AHI1: variants seen among roughly 807,000 people sequenced by gnomAD.
AHI1 encodes jouberin.
In AHI1, 123 loss-of-function variants were observed where a neutral mutation model predicts 149.3. The observed-to-expected ratio is 0.82, with a 90% CI of 0.71 to 0.96. The LOEUF (loss-of-function observed/expected upper bound fraction) is 0.96. AHI1 is among the 40% of genes least tolerant of loss of function. AHI1 has a pLI of 0.00. For missense variants in AHI1, 1,439 were observed against 1,422.7 expected (o/e 1.01, Z -0.18); for synonymous variants, 475 against 459.8 (o/e 1.03, Z -0.42).
At position 135,455,868 on chromosome 6, in the gene AHI1, T is replaced by C. The variant is rs1268706810; in HGVS notation, c.1210A>G (p.Met404Val). 1.9e-6 allele frequency: 3 copies of C among 1,587,622 alleles called. No individual in the cohort carries two copies. Among genetic ancestry groups the C allele is most frequent in the Admixed American group, 1.7e-5 (1 of 58,322 alleles). Reference sequence around the variant, plus strand: ...TGTTTAAAATCATATGGCTGGGTCATAATAGGAAGAATATAATCCACATTC... The same window carrying C: ...TGTTTAAAATCATATGGCTGGGTCACAATAGGAAGAATATAATCCACATTC... Reference protein sequence around the residue: ...KENVDYILPIMTQPYDFKQLK... With the variant: ...KENVDYILPIVTQPYDFKQLK... Residue 404 changes from methionine (M) to valine (V), a missense_variant, in exon 10 of 29, where the codon ATG (methionine) becomes GTG (valine). Physicochemically the swap from Met to Val is conservative, Grantham distance 21 (BLOSUM62 1). Coordinates refer to ENST00000265602, the MANE Select transcript of AHI1 (RefSeq NM_001134831.2).
At position 135,487,461 on chromosome 6, in the gene AHI1, T is replaced by C. The variant is rs538118790; in HGVS notation, c.135+3162A>G. On this transcript the variant is annotated intron_variant, in intron 5 of 28. Transcript: ENST00000265602. ...GAATTATTCTGGACATATATAATAA[T>C]TAAGAAAGTTCTACATATTTAACTG... 8.5e-5 allele frequency among the ~76,000 whole-genome samples: 13 copies of C among 152,262 alleles called. No individual in the cohort carries two copies. The South Asian group carries it at 2.5e-3, about 29-fold the overall frequency.
intron 22 of AHI1, among the ~76,000 whole-genome samples, chr6:135,401,949 T>A (rs763465996): frequency 2.6e-5 from 4 of 152,014 alleles, no homozygotes. Context: ...GACACTTGTA[T>A]CTAGAATATA....
rs781562359 is a variant in AHI1, at chr6:135,463,158, T to C, written c.898A>G (p.Lys300Glu). 1 of 1,595,748 alleles carries C rather than the reference T, an allele frequency of 6.3e-7. No individual in the cohort carries two copies. The highest frequency in any genetic ancestry group is 8.5e-7 in the Non-Finnish European group (1 of 1,173,272). ...GTCTTCTTTTTTGTTTTTTTTGGTT[T>C]AGGTTTTGTATCATCTTGCATGCTG... is the stretch of plus-strand genomic sequence containing the variant. ...EDSMQDDTKPKPKKTKKKTKA... is the reference protein window; with the variant it reads ...EDSMQDDTKPEPKKTKKKTKA... The change falls in exon 8 of 29, where the codon AAA (lysine) becomes GAA (glutamate). Residue 300 changes from lysine to glutamate, a missense_variant. Transcript: ENST00000265602.
intron 5 of AHI1, among the ~76,000 whole-genome samples, chr6:135,485,319 C>T (rs1407723730): frequency 6.6e-6 from 1 of 152,184 alleles, no homozygotes; most frequent in African/African-American, 2.4e-5. Context: ...AAGTGATCTG[C>T]CTGCCTTGGC....
chr6:135,363,338 C>T (rs1335197528), intron 23 of AHI1, among the ~76,000 whole-genome samples: 6 of 151,808 alleles, frequency 4.0e-5, no homozygotes, highest in Non-Finnish European at 1.5e-5. Flanking sequence ...GGATACAGCA[C>T]ATGTTTCAGA....
At chr6:135,364,665 G>A (rs1333767671) in intron 23 of AHI1, among the ~76,000 whole-genome samples, 3 of 152,104 alleles carry the variant, frequency 2.0e-5, no homozygotes, top group Non-Finnish European at 4.4e-5. Flanking sequence ...CGAGGCTGGC[G>A]GATCACTCGC....
At chr6:135,427,885 C>A (rs979236498) in intron 19 of AHI1, among the ~76,000 whole-genome samples, 1 of 150,934 alleles carries the variant, frequency 6.6e-6, no homozygotes, top group Non-Finnish European at 1.5e-5. Flanking sequence ...TTATTGAAGG[C>A]GAGACTTGTT....
At chr6:135,492,962 T>G in intron 3 of AHI1, 4 of 966,774 alleles carry the variant, frequency 4.1e-6, no homozygotes, top group Non-Finnish European at 4.9e-6. Flanking sequence ...TGCATGTTTT[T>G]GAGACTAAAA....
intron 26 of AHI1, among the ~76,000 whole-genome samples, chr6:135,309,402 T>C (rs1784887177): frequency 2.6e-5 from 4 of 152,198 alleles, no homozygotes; most frequent in Admixed American, 2.6e-4. Context: ...TTATAAGTTA[T>C]TGAAACAAAT....
intron 17 of AHI1, 137 bp downstream of exon 17, chr6:135,431,071 T>C: frequency 1.7e-6 from 1 of 580,830 alleles, no homozygotes; most frequent in Non-Finnish European, 3.0e-6. Flanking sequence ...TGCTAATTAA[T>C]TATTGATAAC....
intron 26 of AHI1, chr6:135,306,956 C>G (rs1784597274): frequency 6.6e-6 from 1 of 152,084 alleles, no homozygotes; most frequent in African/African-American, 2.4e-5. Context: ...ATTGGGTTAC[C>G]CACTTCCTCT....
At chr6:135,312,131 T>C (rs1785288110) in intron 26 of AHI1, among the ~76,000 whole-genome samples, 1 of 152,182 alleles carries the variant, frequency 6.6e-6, no homozygotes, top group East Asian at 1.9e-4. Flanking sequence ...AAGAAAATGA[T>C]TGAGGTTTGT....
intron 24 of AHI1, among the ~76,000 whole-genome samples, chr6:135,342,624 T>G (rs923904068): frequency 1.3e-5 from 2 of 151,838 alleles, no homozygotes; most frequent in Admixed American, 6.6e-5. Context: ...ACCATATTAA[T>G]AGTATTAAAG....
At chr6:135,327,212 T>C (rs1787839882) in intron 24 of AHI1, among the ~76,000 whole-genome samples, 2 of 152,184 alleles carry the variant, frequency 1.3e-5, no homozygotes, top group African/African-American at 4.8e-5. Flanking sequence ...AACCTGATGG[T>C]GTCAGATGAA....
intron 23 of AHI1, among the ~76,000 whole-genome samples, chr6:135,361,744 TTTAA>T (rs1385126447): frequency 1.3e-5 from 2 of 151,848 alleles, no homozygotes; most frequent in Non-Finnish European, 2.9e-5. Context: ...TTTTCTTCAG[TTTAA>T]TTAGGAGGTA....
intron 13 of AHI1, among the ~76,000 whole-genome samples, chr6:135,445,949 C>G (rs574326553): frequency 6.6e-6 from 1 of 151,680 alleles, no homozygotes; most frequent in East Asian, 2.0e-4. Context: ...CCAGCTACTC[C>G]GGAGGCTGAG....
chr6:135,454,901 A>G (rs1225390517), intron 10 of AHI1, among the ~76,000 whole-genome samples: 1 of 152,186 alleles, frequency 6.6e-6, no homozygotes, highest in Non-Finnish European at 1.5e-5. Flanking sequence ...ATACAAATAG[A>G]CAACCTGAAA....
Position 135,477,004 on chromosome 6 carries a change from G to T in AHI1, c.136-9370C>A, listed in dbSNP as rs1222324019. On this transcript the variant is annotated intron_variant, in intron 5 of 28. Transcript: ENST00000265602. Reference sequence around the variant, plus strand: ...TACACTATTCTATTATTTCCTTTCTGTTTGTCCTATTTGTTTTTTGTCTCT... The same window carrying T: ...TACACTATTCTATTATTTCCTTTCTTTTTGTCCTATTTGTTTTTTGTCTCT... Among the ~76,000 whole-genome samples the T allele has an allele frequency of 3.4e-5, 5 of 149,118 alleles. No homozygotes were observed. In the East Asian group the frequency reaches 9.8e-4, roughly 29 times the overall value.
chr6:135,491,738 T>C (rs536520357), intron 4 of AHI1, among the ~76,000 whole-genome samples: 2 of 152,338 alleles, frequency 1.3e-5, no homozygotes, highest in East Asian at 3.9e-4. Flanking sequence ...GTCGGCAAAC[T>C]ATGGCCTGCA....
Sources: allele counts gnomAD v4.1 joint callset (sites outside exome capture counted in the v4.1 genomes callset), GRCh38; gene constraint gnomAD v4.1.1; transcripts MANE v1.5; gene names NCBI Gene and HGNC (gene_info 2026-07-23, HGNC 2026-07-21).